The following AVEN variants were observed in gnomAD, a reference collection of about 807,000 sequenced individuals.
AVEN encodes the protein cell death regulator Aven.
In AVEN, 41 loss-of-function variants were observed where a neutral mutation model predicts 38.1. The observed-to-expected ratio is 1.08, with a 90% CI of 0.84 to 1.40. The LOEUF (loss-of-function observed/expected upper bound fraction) is 1.40, where lower values mean the gene tolerates loss of function less well. AVEN is among the 40% of genes most tolerant of loss of function. AVEN has a pLI of 0.00. For missense variants in AVEN, 605 were observed against 438.8 expected (o/e 1.38, Z -3.38); for synonymous variants, 206 against 171.8 (o/e 1.20, Z -1.56).
intron 1 of AVEN, among the ~76,000 whole-genome samples, chr15:34,033,262 T>A (rs550214169): frequency 5.6e-4 from 85 of 152,096 alleles, no homozygotes; most frequent in Admixed American, 9.8e-4. Context: ...TCCTAGCACG[T>A]CAGGAGGCAG....
At chr15:33,861,680 T>G (rs528808130), downstream of AVEN, among the ~76,000 whole-genome samples, 24 of 152,318 alleles carry the variant, frequency 1.6e-4, no homozygotes, top group Non-Finnish European at 3.2e-4. Context: ...TTGGGTCTTG[T>G]CAAAGGGGCC....
chr15:34,020,284 C>T (rs1489045992), intron 1 of AVEN, among the ~76,000 whole-genome samples: 10 of 151,096 alleles, frequency 6.6e-5, no homozygotes, highest in Non-Finnish European at 1.2e-4. Context: ...GCACTCTAGC[C>T]TGGGTGACCG....
At chr15:33,950,751 A>G (rs1894708941) in intron 2 of AVEN, among the ~76,000 whole-genome samples, 1 of 152,206 alleles carries the variant, frequency 6.6e-6, no homozygotes, top group African/African-American at 2.4e-5. Context: ...CACACCTGTA[A>G]TCTCAGCACT....
intron 1 of AVEN, among the ~76,000 whole-genome samples, chr15:34,015,673 G>GA (rs1292660331): frequency 2.6e-5 from 4 of 151,670 alleles, no homozygotes; most frequent in Non-Finnish European, 4.4e-5. Context: ...ACACATGAGG[G>GA]AAAAAAAAGT....
At chr15:33,992,204 G>A (rs893078326) in intron 2 of AVEN, among the ~76,000 whole-genome samples, 5 of 152,178 alleles carry the variant, frequency 3.3e-5, no homozygotes, top group African/African-American at 7.2e-5. Context: ...TGGCTAACAA[G>A]GTGAAACCCC....
chr15:33,945,366 T>C (rs987469950), intron 2 of AVEN, among the ~76,000 whole-genome samples: 6 of 152,224 alleles, frequency 3.9e-5, no homozygotes, highest in Admixed American at 3.9e-4. Context: ...TCATCATTTC[T>C]GGATTATTGC....
Position 33,867,734 on chromosome 15 carries a change from T to C in AVEN, c.734A>G (p.Lys245Arg). 1 of 1,614,140 alleles carries C rather than the reference T, an allele frequency of 6.2e-7. No homozygotes were observed. Among genetic ancestry groups the C allele is most frequent in the Middle Eastern group, 1.6e-4 (1 of 6,062 alleles). ...CACAGGGCAGCCAGCAGCCACAGAT[T>C]TCAGCTCAAAGATGGGCCCCCTTCC... ...PGGRGPIFEL[K>R]SVAAGCPVLL... Residue 245 changes from lysine (K) to arginine (R), a missense_variant, in exon 5 of 6, where the codon AAA becomes AGA. Transcript: ENST00000306730.
At chr15:33,856,219 G>A (rs1174411335), downstream of AVEN, 1 of 152,146 alleles carries the variant, frequency 6.6e-6, no homozygotes, top group African/African-American at 2.4e-5. Context: ...TAAACCACCT[G>A]CTTTCTGTGA....
downstream of AVEN, chr15:33,865,976 A>G (rs1044127): frequency 6.5e-6 from 1 of 152,978 alleles, no homozygotes; most frequent in South Asian, 2.1e-4. Flanking sequence ...CAGAAAAAAA[A>G]TCTCAACCTT....
chr15:34,045,386 A>T, intron 5 of AVEN, among the ~76,000 whole-genome samples: 1 of 152,204 alleles, frequency 6.6e-6, no homozygotes, highest in East Asian at 1.9e-4. Context: ...AAGGAGTTAG[A>T]TATATCTTAC....
rs899106622 is a variant in AVEN, at chr15:34,024,452, A to C, written c.267+14328T>G. Among the ~76,000 whole-genome samples the C allele has an allele frequency of 2.1e-4, 30 of 143,036 alleles. 2 individuals are homozygous for C. Among genetic ancestry groups the C allele is most frequent in the Admixed American group, 1.2e-3 (17 of 13,660 alleles). 93.8% of individuals were successfully genotyped at this position (143,036 alleles called of 152,430 possible). ...TGCACCACTGCCCTCCAGCCTGGGC[A>C]ACAGAATGAGACCCTGTCTCAAAAA... is the stretch of plus-strand genomic sequence containing the variant. On this transcript the variant is annotated intron_variant, in intron 1 of 5. Transcript: ENST00000306730.
At chr15:33,855,812 T>A, downstream of AVEN, 1 of 152,174 alleles carries the variant, frequency 6.6e-6, no homozygotes, top group East Asian at 1.9e-4. Context: ...GAAGACTGGA[T>A]ATTGATGAGA....
intron 1 of AVEN, among the ~76,000 whole-genome samples, chr15:34,038,482 A>G (rs370913068): frequency 3.3e-5 from 5 of 152,052 alleles, no homozygotes; most frequent in African/African-American, 1.2e-4. Context: ...CAGCCCTGAC[A>G]CACGGCCTTG....
At chr15:33,922,625 G>A (rs1408543922) in intron 2 of AVEN, among the ~76,000 whole-genome samples, 1 of 151,980 alleles carries the variant, frequency 6.6e-6, no homozygotes, top group Non-Finnish European at 1.5e-5. Flanking sequence ...TAGAGATGGG[G>A]TCTCACTATG....
chr15:33,882,468 A>C (rs1323132038), intron 2 of AVEN, among the ~76,000 whole-genome samples: 1 of 152,178 alleles, frequency 6.6e-6, no homozygotes, highest in Non-Finnish European at 1.5e-5. Context: ...TTGTATTTTG[A>C]AAGTCAACTA....
rs142740919 is a variant in AVEN at position 34,020,765 on chromosome 15, G to A, written c.268-17556C>T. 3.5e-4 allele frequency among the ~76,000 whole-genome samples: 54 copies of A among 152,194 alleles called. 1 individual carries two copies. The East Asian group carries it at 9.9e-3, about 28-fold the overall frequency. ...TGTAAATGAAATTAGGCCAAATTTC[G>A]TAAGACACAAGATATAATCTCCACA... On this transcript the variant is annotated intron_variant, in intron 1 of 5. Transcript: ENST00000306730.
chr15:33,919,671 A>G (rs1461212977), intron 2 of AVEN, among the ~76,000 whole-genome samples: 1 of 152,194 alleles, frequency 6.6e-6, no homozygotes, highest in South Asian at 2.1e-4. Flanking sequence ...CAGAGGGAAA[A>G]GAAGAGCAAG....
At chr15:33,918,854 T>G (rs1893271865) in intron 2 of AVEN, among the ~76,000 whole-genome samples, 1 of 152,044 alleles carries the variant, frequency 6.6e-6, no homozygotes, top group Admixed American at 6.6e-5. Flanking sequence ...ATCTACCTTT[T>G]TAAGGAGAGG....
intron 2 of AVEN, among the ~76,000 whole-genome samples, chr15:33,902,025 A>C (rs1409996880): frequency 6.6e-6 from 1 of 152,134 alleles, no homozygotes; most frequent in African/African-American, 2.4e-5. Flanking sequence ...CAGAAGCCTA[A>C]TTTGATATAG....
Sources: gnomAD v4.1 joint callset for allele counts (sites outside exome capture counted in the v4.1 genomes callset) on GRCh38, gnomAD v4.1.1 for gene constraint, MANE v1.5 for transcripts, NCBI Gene and HGNC (gene_info 2026-07-23, HGNC 2026-07-21) for gene names.